Variants in HS6ST2 observed in about 807,000 individuals in gnomAD.
HS6ST2 encodes the protein heparan-sulfate 6-O-sulfotransferase 2.
HS6ST2 carries 17 observed loss-of-function variants against 33.0 expected under a neutral mutation model. That is an observed-to-expected ratio of 0.52 (90% CI 0.35 to 0.77). The LOEUF (loss-of-function observed/expected upper bound fraction) is 0.77. Among genes scored for constraint, HS6ST2 ranks in the 30% least tolerant of loss-of-function variants. The pLI is 0.01. For synonymous variants in HS6ST2, 248 were observed against 237.1 expected, an observed-to-expected ratio of 1.05 and a Z score of -0.42; for missense variants, 519 against 551.7, an observed-to-expected ratio of 0.94 and a Z score of 0.59.
At chrX:132,927,600 T>C (rs1171029203) in intron 2 of HS6ST2, among the ~76,000 whole-genome samples, 1 of 111,694 alleles carries the variant, frequency 9.0e-6, no homozygotes, top group Non-Finnish European at 1.9e-5. Flanking sequence ...CTTGACTGGT[T>C]ATGGATCCTT....
rs199612207 is a variant in HS6ST2 at position 132,797,634 on chromosome X, G to C, written c.948-89140C>G. Among the ~76,000 whole-genome samples the C allele has an allele frequency of 1.8e-4, 20 of 111,694 alleles. No individual in the cohort carries two copies. The East Asian group carries it at 4.9e-3, about 27-fold the overall frequency. The stretch of plus-strand genomic sequence containing the variant: ...GAGAAGGAGGAGATGGAGAACAAGA[G>C]GAAAGTTCTCATTTGTTCCTCTGAA... On this transcript the variant is annotated intron_variant, in intron 2 of 4. Transcript: ENST00000370833.
chrX:132,783,329 G>A (rs1026486110), intron 2 of HS6ST2, among the ~76,000 whole-genome samples: 1 of 111,786 alleles, frequency 8.9e-6, no homozygotes, highest in African/African-American at 3.3e-5. Context: ...AATAATGCTG[G>A]TGCTGTTTTG....
chrX:132,662,276 GGAGA>G (rs758077154), intron 4 of HS6ST2, among the ~76,000 whole-genome samples: 4 of 108,174 alleles, frequency 3.7e-5, no homozygotes, highest in South Asian at 4.1e-4. Context: ...TGAAAGAGAA[GGAGA>G]GAGAGAGAGA....
rs1337945059 is a variant in HS6ST2 at position 132,715,298 on chromosome X, G to A, written c.948-6804C>T. ...AAAAATACGAAAAATAGCTGGGCAT[G>A]TTGTCATGTGCCTGTGGTCCCAGCT... On this transcript the variant is annotated intron_variant, in intron 2 of 4. Transcript: ENST00000370833. Among the ~76,000 whole-genome samples the A allele has an allele frequency of 6.3e-5, 7 of 111,417 alleles. No individual in the cohort carries two copies. In the Admixed American group the frequency reaches 6.6e-4, roughly 11 times the overall value.
intron 2 of HS6ST2, among the ~76,000 whole-genome samples, chrX:132,712,827 T>G (rs770439230): frequency 5.4e-4 from 60 of 110,841 alleles, no homozygotes; most frequent in Non-Finnish European, 6.2e-4. Flanking sequence ...GAGTTCGAGA[T>G]CAGCCTGGCC....
chrX:132,669,094 G>A lies in HS6ST2; in HGVS notation c.1067+19C>T. The A allele has an allele frequency of 2.8e-6, 3 of 1,079,517 alleles. No homozygotes were observed. Among genetic ancestry groups the A allele is most frequent in the Non-Finnish European group, 3.9e-6 (3 of 777,237 alleles). The allele number at this position is 1,079,517 out of a possible 1,213,427, so 89.0% of individuals were successfully genotyped here. A position where few individuals can be genotyped will look rare whatever the true frequency, so the allele number is the denominator to read the frequency against. On this transcript the variant is annotated intron_variant, in intron 4 of 4. Transcript: ENST00000370833. Reference sequence around the variant, plus strand: ...TTTTGACAGCTATGTCAGATGTACAGGAGCACTTTTTCACTTACTTCCCAC... The same window carrying A: ...TTTTGACAGCTATGTCAGATGTACAAGAGCACTTTTTCACTTACTTCCCAC...
rs1352326277 is a variant in HS6ST2 at position 132,713,481 on chromosome X, C to G, written c.948-4987G>C. 3.6e-5 allele frequency among the ~76,000 whole-genome samples: 4 copies of G among 110,913 alleles called. No individual in the cohort carries two copies. In the East Asian group the frequency reaches 1.1e-3, roughly 32 times the overall value. Reference sequence around the variant, plus strand: ...TTTTCAAAAGCAGAGCTCAAAGACACGTGCAGTTAAAGGCCATGCGGAAAG... The same window carrying G: ...TTTTCAAAAGCAGAGCTCAAAGACAGGTGCAGTTAAAGGCCATGCGGAAAG... On this transcript the variant is annotated intron_variant, in intron 2 of 4. Transcript: ENST00000370833.
chrX:132,770,614 C>T (rs896405226), intron 2 of HS6ST2, among the ~76,000 whole-genome samples: 2 of 111,749 alleles, frequency 1.8e-5, no homozygotes, highest in Non-Finnish European at 3.8e-5. Flanking sequence ...TTTCAATTCT[C>T]TTAAACAAAC....
intron 2 of HS6ST2, among the ~76,000 whole-genome samples, chrX:132,899,981 T>C (rs1382688922): frequency 9.0e-6 from 1 of 111,538 alleles, no homozygotes; most frequent in African/African-American, 3.3e-5. Flanking sequence ...CTTTCAAAAA[T>C]TAGGTGAAAT....
intron 2 of HS6ST2, among the ~76,000 whole-genome samples, chrX:132,762,700 A>G (rs183236111): frequency 3.6e-4 from 40 of 111,676 alleles, no homozygotes; most frequent in Non-Finnish European, 6.0e-4. Flanking sequence ...GCATCATGTC[A>G]GCTGCTAATG....
chrX:132,865,949 A>G (rs1188974999), intron 2 of HS6ST2, among the ~76,000 whole-genome samples: 42 of 111,355 alleles, frequency 3.8e-4, no homozygotes, highest in Non-Finnish European at 7.2e-4. Context: ...CTCTGATGGT[A>G]ATTTCTTTTT....
At chrX:132,771,456 G>C (rs957933137) in intron 2 of HS6ST2, among the ~76,000 whole-genome samples, 6 of 111,863 alleles carry the variant, frequency 5.4e-5, no homozygotes, top group African/African-American at 1.9e-4. Flanking sequence ...AGAACTATCT[G>C]GAGAACCTGG....
chrX:132,907,067 C>T (rs2066482490), intron 2 of HS6ST2, among the ~76,000 whole-genome samples: 1 of 112,342 alleles, frequency 8.9e-6, no homozygotes, highest in Admixed American at 9.4e-5. Context: ...TTAGTGGAAG[C>T]TTTCTGAGGT....
intron 2 of HS6ST2, among the ~76,000 whole-genome samples, chrX:132,931,413 G>C (rs1310363584): frequency 1.8e-5 from 2 of 111,925 alleles, no homozygotes; most frequent in Non-Finnish European, 3.8e-5. Context: ...GATGGAGACT[G>C]TACTTCAGGC....
At chrX:132,770,264 C>T (rs1376439362) in intron 2 of HS6ST2, among the ~76,000 whole-genome samples, 1 of 111,467 alleles carries the variant, frequency 9.0e-6, no homozygotes, top group Non-Finnish European at 1.9e-5. Context: ...AAAGTCACTG[C>T]TATAATGGGT....
chrX:132,672,927 C>A (rs924809406), intron 3 of HS6ST2, among the ~76,000 whole-genome samples: 15 of 111,650 alleles, frequency 1.3e-4, no homozygotes, highest in African/African-American at 4.9e-4. Context: ...GAGAAGAACC[C>A]TGTGGCTTAA....
At chrX:132,869,105 C>T (rs749458722) in intron 2 of HS6ST2, among the ~76,000 whole-genome samples, 1 of 110,885 alleles carries the variant, frequency 9.0e-6, no homozygotes, top group Admixed American at 9.6e-5. Flanking sequence ...GATATCATCA[C>T]GGATCCCAAA....
rs750496533 is a variant in HS6ST2, at chrX:132,743,257, C to A, written c.948-34763G>T. On this transcript the variant is annotated intron_variant, in intron 2 of 4. Coordinates refer to ENST00000370833, the MANE Select transcript of HS6ST2 (RefSeq NM_001394073.1). ...GGGGGAGACCTGGTTTCACAGCAGGCCTTACAATAGGACCTTGGGGCTTTC... is the reference window on the plus strand; with the variant it reads ...GGGGGAGACCTGGTTTCACAGCAGGACTTACAATAGGACCTTGGGGCTTTC... Among the ~76,000 whole-genome samples the A allele has an allele frequency of 2.7e-5, 3 of 112,176 alleles. No homozygotes were observed. In the Admixed American group the frequency reaches 2.8e-4, roughly 11 times the overall value.
chrX:132,755,269 T>C (rs1240349090), intron 2 of HS6ST2, among the ~76,000 whole-genome samples: 1 of 112,188 alleles, frequency 8.9e-6, no homozygotes, highest in Non-Finnish European at 1.9e-5. Flanking sequence ...TGGCTGTTGG[T>C]AGCTCTTTTA....
Sources: gnomAD v4.1 joint callset for allele counts (sites outside exome capture counted in the v4.1 genomes callset) on GRCh38, gnomAD v4.1.1 for gene constraint, MANE v1.5 for transcripts, NCBI Gene and HGNC (gene_info 2026-07-23, HGNC 2026-07-21) for gene names.